PXDNL: variants seen among roughly 807,000 people sequenced by gnomAD.
PXDNL encodes probable oxidoreductase PXDNL.
Under a neutral mutation model 150.8 loss-of-function variants are expected in PXDNL, and 145 were observed. The observed-to-expected ratio is 0.96, with a 90% CI of 0.84 to 1.10. PXDNL has a LOEUF of 1.10. Among genes scored for constraint, PXDNL ranks in the 50% least tolerant of loss-of-function variants. The pLI, the probability that PXDNL is intolerant of heterozygous loss-of-function variation, is 0.00. For synonymous variants in PXDNL, 757 were observed against 725.7 expected (o/e 1.04, Z -0.69); for missense variants, 2,087 against 1,873.9 (o/e 1.11, Z -2.10).
chr8:51,736,973 TA>T (rs1817051612), intron 1 of PXDNL, among the ~76,000 whole-genome samples: 1 of 152,246 alleles, frequency 6.6e-6, no homozygotes, highest in South Asian at 2.1e-4. Context: ...GTTCTTTAGA[TA>T]CCAAAACAAC....
chr8:51,721,311 G>GT (rs1370829094), intron 1 of PXDNL, among the ~76,000 whole-genome samples: 1 of 152,080 alleles, frequency 6.6e-6, no homozygotes. Flanking sequence ...TTATTCCCAG[G>GT]TTTTTTCAGC....
intron 20 of PXDNL, chr8:51,339,972 T>C (rs915735687): frequency 1.8e-5 from 7 of 383,598 alleles, no homozygotes; most frequent in South Asian, 1.1e-4. Flanking sequence ...TCATGTAATT[T>C]ATCTAAAATA....
chr8:51,402,412 G>C (rs1044589032), intron 17 of PXDNL, among the ~76,000 whole-genome samples: 4 of 151,970 alleles, frequency 2.6e-5, no homozygotes, highest in African/African-American at 9.7e-5. Context: ...CCAGCTACTC[G>C]GGAGGCTGAG....
intron 17 of PXDNL, among the ~76,000 whole-genome samples, chr8:51,405,738 G>T (rs895532028): frequency 3.9e-5 from 6 of 152,118 alleles, no homozygotes; most frequent in African/African-American, 1.4e-4. Context: ...TAATGAAAGG[G>T]GAAAGTCAGG....
Position 51,408,510 on chromosome 8 carries a change from G to A in PXDNL, c.3114C>T (p.Pro1038=). Residue 1038 remains proline, a synonymous_variant, in exon 17 of 23, where the codon CCC becomes CCT. Transcript: ENST00000356297. ...AGTTAATGATGCCTGCATTCACGTT[G>A]GGGTTGTAGCCTCGGTAACCCCTCA... ...RMLRGYRGYN[P]NVNAGIINSF... The A allele has an allele frequency of 1.9e-6, 3 of 1,613,280 alleles. No individual in the cohort carries two copies. The highest frequency in any genetic ancestry group is 2.5e-6 in the Non-Finnish European group (3 of 1,179,548).
intron 21 of PXDNL, among the ~76,000 whole-genome samples, chr8:51,331,732 C>A (rs117232041): frequency 6.6e-6 from 1 of 152,142 alleles, no homozygotes; most frequent in Admixed American, 6.5e-5. Flanking sequence ...TCCTCGACAA[C>A]CTGCATGACT....
intron 21 of PXDNL, among the ~76,000 whole-genome samples, chr8:51,335,781 G>T (rs918713573): frequency 3.3e-5 from 5 of 149,338 alleles, no homozygotes; most frequent in African/African-American, 1.2e-4. Flanking sequence ...ATAATAAAAT[G>T]TTCTGAGTGT....
intron 1 of PXDNL, among the ~76,000 whole-genome samples, chr8:51,667,914 T>A (rs1687714154): frequency 6.6e-6 from 1 of 152,190 alleles, no homozygotes; most frequent in East Asian, 1.9e-4. Context: ...TCTGCTTCCA[T>A]CTGCATTCCA....
At chr8:51,738,768 TAGTC>T (rs1440667711) in intron 1 of PXDNL, among the ~76,000 whole-genome samples, 1 of 152,096 alleles carries the variant, frequency 6.6e-6, no homozygotes, top group African/African-American at 2.4e-5. Flanking sequence ...AAAAATGAAA[TAGTC>T]AGTCCCAGAT....
At chr8:51,800,690 G>T (rs1456061915) in intron 1 of PXDNL, among the ~76,000 whole-genome samples, 8 of 152,168 alleles carry the variant, frequency 5.3e-5, no homozygotes, top group Non-Finnish European at 1.2e-4. Context: ...AATTTCTTAT[G>T]CCTGTCTTTA....
At chr8:51,632,356 T>G (rs1328527762) in intron 2 of PXDNL, among the ~76,000 whole-genome samples, 3 of 152,074 alleles carry the variant, frequency 2.0e-5, no homozygotes, top group Non-Finnish European at 2.9e-5. Flanking sequence ...ATCCCAGCAC[T>G]TTGGGAAGCT....
At chr8:51,377,918 G>A (rs1807390571) in intron 17 of PXDNL, among the ~76,000 whole-genome samples, 1 of 152,258 alleles carries the variant, frequency 6.6e-6, no homozygotes, top group African/African-American at 2.4e-5. Context: ...AGCAGAGCAG[G>A]GGACTGGCAG....
chr8:51,497,424 A>C, intron 5 of PXDNL, among the ~76,000 whole-genome samples: 1 of 152,224 alleles, frequency 6.6e-6, no homozygotes. Context: ...AAAATCCAAA[A>C]TTGACAAACA....
intron 17 of PXDNL, among the ~76,000 whole-genome samples, chr8:51,381,349 C>A (rs548122973): frequency 2.0e-5 from 3 of 152,000 alleles, no homozygotes; most frequent in African/African-American, 7.2e-5. Flanking sequence ...TGTGTCTTAT[C>A]CTGTGTTTCC....
chr8:51,740,535 G>A (rs1295554414), intron 1 of PXDNL, among the ~76,000 whole-genome samples: 1 of 152,190 alleles, frequency 6.6e-6, no homozygotes, highest in African/African-American at 2.4e-5. Context: ...TGACTGGCAT[G>A]AGATGGTATC....
intron 3 of PXDNL, among the ~76,000 whole-genome samples, chr8:51,558,152 T>A (rs1037462660): frequency 1.3e-5 from 2 of 152,106 alleles, no homozygotes; most frequent in African/African-American, 2.4e-5. Flanking sequence ...TGTATGCAAA[T>A]CATAGTGTAG....
intron 4 of PXDNL, among the ~76,000 whole-genome samples, chr8:51,532,791 C>G (rs1811934118): frequency 6.6e-6 from 1 of 152,096 alleles, no homozygotes; most frequent in South Asian, 2.1e-4. Flanking sequence ...TGCAGAGCAG[C>G]CTTCACTAAA....
chr8:51,345,672 C>A (rs1419876887), intron 20 of PXDNL, among the ~76,000 whole-genome samples, 161 bp downstream of exon 20: 4 of 152,098 alleles, frequency 2.6e-5, no homozygotes, highest in African/African-American at 7.2e-5. Context: ...GGAACCCAAA[C>A]ACATTACAGA....
chr8:51,562,189 C>T (rs1812733146), intron 3 of PXDNL, among the ~76,000 whole-genome samples: 1 of 151,580 alleles, frequency 6.6e-6, no homozygotes, highest in Non-Finnish European at 1.5e-5. Context: ...ACATGTTCTT[C>T]ACCCTGGATA....
Sources: allele counts gnomAD v4.1 joint callset (sites outside exome capture counted in the v4.1 genomes callset), GRCh38; gene constraint gnomAD v4.1.1; transcripts MANE v1.5; gene names NCBI Gene and HGNC (gene_info 2026-07-23, HGNC 2026-07-21).